Variants in LIPK observed in about 807,000 individuals in gnomAD.
LIPK encodes lipase member K.
A neutral mutation model predicts 48.6 loss-of-function variants in LIPK; 32 were observed. The ratio of observed to expected loss-of-function variants is 0.66; its 90% confidence interval spans 0.50 to 0.88. The LOEUF (loss-of-function observed/expected upper bound fraction) is 0.88, where lower values mean the gene tolerates loss of function less well. Ranked by LOEUF, LIPK falls within the 40% of genes least tolerant of loss-of-function variation. The probability of loss-of-function intolerance (pLI) is 0.00; values close to 1 mark genes in which losing one functional copy is unlikely to be tolerated. For missense variants in LIPK, 507 were observed against 478.5 expected (o/e 1.06, Z -0.56); for synonymous variants, 164 against 157.4 (o/e 1.04, Z -0.32).
chr10:88,752,160 G>A (rs932970578), intron 9 of LIPK, among the ~76,000 whole-genome samples: 2 of 152,036 alleles, frequency 1.3e-5, no homozygotes, highest in East Asian at 1.9e-4. Flanking sequence ...ACTAAGAGAA[G>A]GGATATTTAT....
chr10:88,751,845 A>G (rs1842868671), intron 9 of LIPK, among the ~76,000 whole-genome samples: 1 of 152,048 alleles, frequency 6.6e-6, no homozygotes, highest in African/African-American at 2.4e-5. Context: ...TTCTAGAGGG[A>G]CCTCTGGCCC....
At chr10:88,709,563 T>C (rs1841991329) in intron 1 of LIPK, among the ~76,000 whole-genome samples, 1 of 152,138 alleles carries the variant, frequency 6.6e-6, no homozygotes, top group Non-Finnish European at 1.5e-5. Flanking sequence ...CTGAGAATGA[T>C]GGCTTCCAGC....
intron 2 of LIPK, among the ~76,000 whole-genome samples, chr10:88,725,231 G>A (rs1404338519): frequency 1.3e-5 from 2 of 152,140 alleles, no homozygotes; most frequent in African/African-American, 4.8e-5. Flanking sequence ...TAAAAAGAAC[G>A]AAACTGCCAA....
At chr10:88,745,425 G>C (rs980030110) in intron 9 of LIPK, among the ~76,000 whole-genome samples, 2 of 152,180 alleles carry the variant, frequency 1.3e-5, no homozygotes, top group Admixed American at 6.5e-5. Flanking sequence ...CAGGCTAACT[G>C]TGGACCTTTC....
intron 1 of LIPK, among the ~76,000 whole-genome samples, chr10:88,721,290 C>CA (rs1842221025): frequency 6.6e-6 from 1 of 152,098 alleles, no homozygotes; most frequent in Non-Finnish European, 1.5e-5. Flanking sequence ...TAAAAAAACT[C>CA]AGAGTATTAT....
intron 9 of LIPK, 34 bp from the exon 10 acceptor site, chr10:88,752,483 A>G: frequency 6.8e-7 from 1 of 1,471,838 alleles, no homozygotes; most frequent in Non-Finnish European, 9.3e-7. Flanking sequence ...AATATTCTGT[A>G]AAAACTTTTC....
At chr10:88,737,875 G>C in intron 7 of LIPK, 94 bp downstream of exon 7, 1 of 1,377,520 alleles carries the variant, frequency 7.3e-7, no homozygotes, top group Non-Finnish European at 1.0e-6. Context: ...GCAATTCAAG[G>C]TTTCCTTTTT....
At chr10:88,732,731 T>A (rs1175572953) in intron 6 of LIPK, among the ~76,000 whole-genome samples, 180 bp downstream of exon 6, 2 of 152,250 alleles carry the variant, frequency 1.3e-5, no homozygotes, top group Non-Finnish European at 2.9e-5. Context: ...GAACTCCCCC[T>A]GTTGCTAATC....
chr10:88,706,992 T>C (rs1841947648), intron 1 of LIPK, among the ~76,000 whole-genome samples: 1 of 152,284 alleles, frequency 6.6e-6, no homozygotes, highest in East Asian at 1.9e-4. Flanking sequence ...GATTGGAAGC[T>C]AGAAAGATGA....
intron 3 of LIPK, among the ~76,000 whole-genome samples, chr10:88,730,513 ATC>A (rs1842443034): frequency 3.9e-5 from 6 of 152,104 alleles, no homozygotes; most frequent in Admixed American, 2.6e-4. Flanking sequence ...GATGGCCTCG[ATC>A]TCCTGACCTC....
At position 88,731,088 on chromosome 10, in the gene LIPK, G is replaced by A. The variant is rs1458521739; in HGVS notation, c.329G>A (p.Gly110Asp). 2.1e-5 allele frequency: 34 copies of A among 1,607,036 alleles called. No homozygotes were observed. The highest frequency in any genetic ancestry group is 2.9e-5 in the Non-Finnish European group (34 of 1,176,784). Residue 110 changes from glycine (G) to aspartate (D), a missense_variant, in exon 4 of 10, where the codon GGT becomes GAT. Physicochemically the swap from Gly to Asp is moderately conservative, Grantham distance 94 (BLOSUM62 -1). Coordinates refer to ENST00000404190, the MANE Select transcript of LIPK (RefSeq NM_001080518.2). ...NSLAFLLADS[G>D]YDVWLGNSRG... ...TTGGCTTTCCTTCTGGCAGATAGTG[G>A]TTATGACGTGTGGTTGGGGAACAGC...
At chr10:88,721,745 A>G (rs1564976980) in intron 1 of LIPK, among the ~76,000 whole-genome samples, 1 of 152,204 alleles carries the variant, frequency 6.6e-6, no homozygotes, top group Non-Finnish European at 1.5e-5. Flanking sequence ...AGGTTTACTT[A>G]CTGGTGATTT....
chr10:88,708,027 T>C (rs1394823778), intron 1 of LIPK, among the ~76,000 whole-genome samples: 1 of 152,162 alleles, frequency 6.6e-6, no homozygotes, highest in East Asian at 1.9e-4. Flanking sequence ...AGGAAAAATG[T>C]GGCAGATGCA....
chr10:88,727,904 C>T, intron 3 of LIPK: 2 of 365,486 alleles, frequency 5.5e-6, no homozygotes, highest in Non-Finnish European at 1.1e-5. Context: ...GTGGAGCCTG[C>T]AGCAGCAGAA....
chr10:88,732,538 G>C lies in LIPK; in HGVS notation c.656G>C (p.Arg219Thr), dbSNP rs1842489778. The change falls in exon 6 of 10, where the codon AGG (arginine) becomes ACG (threonine). Residue 219 changes from arginine to threonine, a missense_variant. Transcript: ENST00000404190. ...ATGAAAAAACTAACAACCCTTTCCA[G>C]GCGAGTAGTTAAGGTATGTGACTTC... ...SPMKKLTTLS[R>T]RVVKVLFGDK... 4 of 1,609,348 alleles carry C rather than the reference G, an allele frequency of 2.5e-6. No individual in the cohort carries two copies. Among genetic ancestry groups the C allele is most frequent in the Admixed American group, 1.7e-5 (1 of 58,964 alleles).
intron 8 of LIPK, 98 bp downstream of exon 8, chr10:88,740,165 C>A: frequency 5.6e-6 from 4 of 709,676 alleles, no homozygotes; most frequent in Non-Finnish European, 9.3e-6. Context: ...CTGGCACCTG[C>A]CACTGCCACA....
At chr10:88,741,751 T>C (rs949379577) in intron 8 of LIPK, among the ~76,000 whole-genome samples, 5 of 152,198 alleles carry the variant, frequency 3.3e-5, no homozygotes, top group African/African-American at 1.2e-4. Flanking sequence ...ACATGCTTTA[T>C]AGGTGTTAAC....
At chr10:88,721,309 G>T (rs1034985334) in intron 1 of LIPK, among the ~76,000 whole-genome samples, 1 of 152,162 alleles carries the variant, frequency 6.6e-6, no homozygotes, top group Non-Finnish European at 1.5e-5. Flanking sequence ...ATTAAGAGAG[G>T]TTCCTGAATC....
intron 9 of LIPK, among the ~76,000 whole-genome samples, chr10:88,744,031 C>T (rs1466866015): frequency 6.6e-6 from 1 of 152,198 alleles, no homozygotes; most frequent in East Asian, 1.9e-4. Context: ...CCCTAAGGCT[C>T]GCCAAGCACC....
Sources: gnomAD v4.1 joint callset for allele counts (sites outside exome capture counted in the v4.1 genomes callset) on GRCh38, gnomAD v4.1.1 for gene constraint, MANE v1.5 for transcripts, NCBI Gene and HGNC (gene_info 2026-07-23, HGNC 2026-07-21) for gene names.